Variants in CFAP161 observed in about 807,000 individuals in gnomAD.
CFAP161 encodes cilia- and flagella-associated protein 161.
A neutral mutation model predicts 29.0 loss-of-function variants in CFAP161; 25 were observed. The observed-to-expected ratio is 0.86, with a 90% CI of 0.63 to 1.20. CFAP161 has a LOEUF of 1.20. Among genes scored for constraint, CFAP161 ranks in the 50% most tolerant of loss-of-function variants. The pLI is 0.00. For missense variants in CFAP161, 367 were observed against 371.9 expected, an observed-to-expected ratio of 0.99 and a Z score of 0.11; for synonymous variants, 116 against 137.4, an observed-to-expected ratio of 0.84 and a Z score of 1.09.
intron 1 of CFAP161, among the ~76,000 whole-genome samples, chr15:81,104,187 A>T (rs1011755942): frequency 6.6e-6 from 1 of 152,154 alleles, no homozygotes; most frequent in South Asian, 2.1e-4. Context: ...GAAAATCAAA[A>T]TTTTTTTCTG....
At chr15:81,132,447 A>T (rs1894724215), upstream of CFAP161, among the ~76,000 whole-genome samples, 1 of 152,256 alleles carries the variant, frequency 6.6e-6, no homozygotes, top group African/African-American at 2.4e-5. Flanking sequence ...TATAAGAAAT[A>T]TGGAAGGAAG....
In CFAP161 at chr15:81,116,601, G is replaced by A. The variant is rs142605020; in HGVS notation, c.-141-10989G>A. ...CTTGAGTCACTGCGCCTGGCCTGGA[G>A]TCTTATTTCAACATCTTGGGAAAAG... On this transcript the variant is annotated intron_variant, in intron 1 of 4. Transcript: ENST00000560091. Among the ~76,000 whole-genome samples, 12 of 152,288 alleles carry A rather than the reference G, an allele frequency of 7.9e-5. No homozygotes were observed. In the East Asian group the frequency reaches 1.2e-3, roughly 15 times the overall value.
intron 4 of CFAP161, among the ~76,000 whole-genome samples, chr15:81,140,622 G>A (rs1460984197): frequency 2.6e-5 from 4 of 151,196 alleles, no homozygotes; most frequent in Non-Finnish European, 4.4e-5. Context: ...ACAGTGTCAC[G>A]AACATGGTTC....
At chr15:81,133,243 G>C (rs1214133110), upstream of CFAP161, among the ~76,000 whole-genome samples, 1 of 126,918 alleles carries the variant, frequency 7.9e-6, no homozygotes, top group East Asian at 2.3e-4. Context: ...TTTTAAATTG[G>C]AGATGGGGTC....
At chr15:81,135,472 G>A (rs563657685) in intron 2 of CFAP161, 113 bp downstream of exon 2, 9 of 553,750 alleles carry the variant, frequency 1.6e-5, no homozygotes, top group East Asian at 7.0e-5. Flanking sequence ...CCATTAACTC[G>A]TCATTTAACA....
upstream of CFAP161, among the ~76,000 whole-genome samples, chr15:81,133,201 A>G (rs201433358): frequency 0.017 from 976 of 58,680 alleles, 75 homozygotes; most frequent in African/African-American, 0.052. Context: ...ATATATATAT[A>G]TATATATATA....
chr15:81,124,364 A>G (rs1215871826), intron 1 of CFAP161, among the ~76,000 whole-genome samples: 1 of 152,216 alleles, frequency 6.6e-6, no homozygotes, highest in African/African-American at 2.4e-5. Context: ...GATGAAGCCT[A>G]TTTGATCATG....
chr15:81,130,271 T>C (rs182639290), upstream of CFAP161, among the ~76,000 whole-genome samples: 2 of 152,352 alleles, frequency 1.3e-5, no homozygotes, highest in East Asian at 3.9e-4. Context: ...GTGTTTTCAT[T>C]GGAATAGCAC....
intron 1 of CFAP161, among the ~76,000 whole-genome samples, chr15:81,110,494 G>T (rs937889707): frequency 1.3e-5 from 2 of 152,034 alleles, no homozygotes; most frequent in African/African-American, 4.8e-5. Flanking sequence ...CCTTGCCTCT[G>T]GGTGCTTCTG....
At chr15:81,102,533 G>C (rs115106676) in intron 1 of CFAP161, among the ~76,000 whole-genome samples, 4 of 152,090 alleles carry the variant, frequency 2.6e-5, no homozygotes, top group African/African-American at 4.8e-5. Context: ...ATTAGTTGAC[G>C]TGGTGGTGCA....
chr15:81,133,212 TATATATATATATG>T (rs1214085170), upstream of CFAP161, among the ~76,000 whole-genome samples: 880 of 45,768 alleles, frequency 0.019, 55 homozygotes, highest in Non-Finnish European at 0.028. Flanking sequence ...TATATATATA[TATATATATATATG>T]TATTTTTTTT....
At chr15:81,147,185 G>A (rs181904923) in intron 5 of CFAP161, among the ~76,000 whole-genome samples, 1 of 152,094 alleles carries the variant, frequency 6.6e-6, no homozygotes, top group African/African-American at 2.4e-5. Context: ...TGTAAAATGT[G>A]TATTTGGTGA....
intron 1 of CFAP161, among the ~76,000 whole-genome samples, chr15:81,105,737 C>T (rs528922779): frequency 4.6e-5 from 7 of 152,302 alleles, no homozygotes; most frequent in South Asian, 2.1e-4. Flanking sequence ...TGAAGGCTGA[C>T]GCAGGCAGAA....
intron 3 of CFAP161, among the ~76,000 whole-genome samples, 199 bp from the exon 4 acceptor site, chr15:81,137,852 G>T (rs953589914): frequency 6.6e-6 from 1 of 152,162 alleles, no homozygotes; most frequent in Non-Finnish European, 1.5e-5. Context: ...ATGGTGCAGG[G>T]CAGGGAGTAG....
intron 2 of CFAP161, chr15:81,127,836 C>A (rs1374663496): frequency 1.3e-5 from 2 of 152,168 alleles, no homozygotes; most frequent in African/African-American, 4.8e-5. Flanking sequence ...TAGAGAGAGG[C>A]TCTCTAAAAG....
intron 1 of CFAP161, among the ~76,000 whole-genome samples, chr15:81,114,856 G>T (rs189070302): frequency 6.6e-6 from 1 of 152,148 alleles, no homozygotes. Context: ...GTAGAGACAG[G>T]GTTTCACCAT....
chr15:81,130,185 G>T (rs1488897191), upstream of CFAP161, among the ~76,000 whole-genome samples: 3 of 152,192 alleles, frequency 2.0e-5, no homozygotes, highest in African/African-American at 7.2e-5. Flanking sequence ...GAATGTGGTG[G>T]CTCGTCTGAC....
chr15:81,114,450 G>A (rs150354252), intron 1 of CFAP161, among the ~76,000 whole-genome samples: 1,541 of 152,284 alleles, frequency 0.01, 21 homozygotes, highest in African/African-American at 0.035. Flanking sequence ...GAGGGTGGGG[G>A]TTGATTAGGG....
chr15:81,127,336 C>T (rs192419692), intron 1 of CFAP161, among the ~76,000 whole-genome samples: 3 of 152,200 alleles, frequency 2.0e-5, no homozygotes, highest in Non-Finnish European at 4.4e-5. Context: ...GCAAAAAACC[C>T]AGATAAGAAT....
Sources: allele counts gnomAD v4.1 joint callset (sites outside exome capture counted in the v4.1 genomes callset), GRCh38; gene constraint gnomAD v4.1.1; transcripts MANE v1.5; gene names NCBI Gene and HGNC (gene_info 2026-07-23, HGNC 2026-07-21).